The following COL5A1 variants were observed in gnomAD, a reference collection of about 807,000 sequenced individuals.
COL5A1 encodes collagen type V alpha 1 chain.
Under a neutral mutation model 263.7 loss-of-function variants are expected in COL5A1, and 16 were observed. That is an observed-to-expected ratio of 0.06 (90% CI 0.04 to 0.09). The LOEUF (loss-of-function observed/expected upper bound fraction) is 0.09. Among genes scored for constraint, COL5A1 ranks in the 10% least tolerant of loss-of-function variants. The pLI is 1.00. For missense variants in COL5A1, 2,036 were observed against 2,540.5 expected (o/e 0.80, Z 4.27); for synonymous variants, 1,012 against 1,004.5 (o/e 1.01, Z -0.14).
intron 2 of COL5A1, 127 bp from the exon 3 acceptor site, chr9:134,699,782 T>C (rs1377433917): frequency 2.3e-6 from 2 of 876,634 alleles, no homozygotes; most frequent in African/African-American, 1.6e-5. Flanking sequence ...GTGCAGCAGA[T>C]GGCAGTGCCC....
In COL5A1 at chr9:134,652,050, C is replaced by T. The variant is rs1171341307; in HGVS notation, c.109+9754C>T. ...GTATTAAGGAAAGGAGAAAGTGACACTGACTCTTCTCAGAGCCTTTGGCTA... is the reference window on the plus strand; with the variant it reads ...GTATTAAGGAAAGGAGAAAGTGACATTGACTCTTCTCAGAGCCTTTGGCTA... On this transcript the variant is annotated intron_variant, in intron 1 of 65. Coordinates refer to ENST00000371817, the MANE Select transcript of COL5A1 (RefSeq NM_000093.5). This position sits in a 1 kb window ranked among gnomAD's most constrained non-coding sequence, Gnocchi z 4.4. Among the ~76,000 whole-genome samples the T allele has an allele frequency of 6.6e-6, 1 of 152,156 alleles. No individual in the cohort carries two copies. The highest frequency in any genetic ancestry group is 1.5e-5 in the Non-Finnish European group (1 of 68,034).
At chr9:134,751,548 G>T (rs566695536) in intron 13 of COL5A1, among the ~76,000 whole-genome samples, 1 of 152,140 alleles carries the variant, frequency 6.6e-6, no homozygotes, top group Non-Finnish European at 1.5e-5. Context: ...AGCAGGGTCC[G>T]CAGAGGAGCA....
chr9:134,684,486 A>T (rs1474340566), intron 1 of COL5A1, among the ~76,000 whole-genome samples: 2 of 152,222 alleles, frequency 1.3e-5, no homozygotes, highest in East Asian at 3.9e-4. Flanking sequence ...TCACCAGCTC[A>T]GTTTCAAGCC....
At chr9:134,699,579 G>A (rs1002502360) in intron 2 of COL5A1, among the ~76,000 whole-genome samples, 2 of 152,044 alleles carry the variant, frequency 1.3e-5, no homozygotes, top group African/African-American at 4.8e-5. Flanking sequence ...CACAGCCTGA[G>A]AGGTTCTCCT....
chr9:134,801,865 T>C, intron 37 of COL5A1, 89 bp from the exon 38 acceptor site: 1 of 1,044,282 alleles, frequency 9.6e-7, no homozygotes, highest in East Asian at 2.9e-5. Context: ...GGAAGGGAGG[T>C]GGGGGGCAAG....
chr9:134,745,722 A>G (rs150979768), intron 11 of COL5A1, among the ~76,000 whole-genome samples: 1 of 152,134 alleles, frequency 6.6e-6, no homozygotes, highest in African/African-American at 2.4e-5. Context: ...TCCTCGGACA[A>G]TTGATGACCA....
chr9:134,654,046 G>A (rs1176186083), intron 1 of COL5A1, among the ~76,000 whole-genome samples: 4 of 137,230 alleles, frequency 2.9e-5, no homozygotes, highest in East Asian at 4.8e-4. Context: ...GCTGGTGTGT[G>A]TAGGGCTGGA....
rs1404280150 is a variant in COL5A1, at chr9:134,829,585, G to A, written c.5068-391G>A. Among the ~76,000 whole-genome samples the A allele has an allele frequency of 3.0e-3, 415 of 137,802 alleles. 23 individuals carry two copies. Among genetic ancestry groups the A allele is most frequent in the African/African-American group, 0.011 (380 of 34,972 alleles). 90.4% of individuals were successfully genotyped at this position (137,802 alleles called of 152,430 possible). ...AGGGCCCAGGCCGGGCTCCTCACGT[G>A]GCCTCCCTAAGGGCCGGGGCCAGGC... On this transcript the variant is annotated intron_variant, in intron 63 of 65. Coordinates refer to ENST00000371817, the MANE Select transcript of COL5A1 (RefSeq NM_000093.5).
At chr9:134,824,895 G>A (rs1243284880) in intron 62 of COL5A1, 40 bp downstream of exon 62, 10 of 1,578,956 alleles carry the variant, frequency 6.3e-6, no homozygotes, top group South Asian at 2.3e-5. Context: ...CCCAAAGCGG[G>A]CATGGACCTG....
Position 134,839,897 on chromosome 9 carries a change from C to A in COL5A1, c.5371-2260C>A, listed in dbSNP as rs372232475. Among the ~76,000 whole-genome samples, 103 of 152,352 alleles carry A rather than the reference C, an allele frequency of 6.8e-4. 1 individual carries two copies. The Middle Eastern group carries it at 0.014, about 20-fold the overall frequency. ...CGTTCCACAGGAGAGCTGTGGCCAC[C>A]CCCAGGCGGGCTTGTGGGACAGCAG... is the stretch of plus-strand genomic sequence containing the variant. On this transcript the variant is annotated intron_variant, in intron 65 of 65. Coordinates refer to ENST00000371817, the MANE Select transcript of COL5A1 (RefSeq NM_000093.5).
chr9:134,834,839 G>A, intron 64 of COL5A1, 132 bp from the exon 65 acceptor site: 1 of 700,450 alleles, frequency 1.4e-6, no homozygotes, highest in South Asian at 1.6e-5. Flanking sequence ...CGGGTCTGTG[G>A]GTACAGTGCG....
intron 27 of COL5A1, among the ~76,000 whole-genome samples, chr9:134,779,622 T>C (rs1203214272): frequency 6.6e-6 from 1 of 152,164 alleles, no homozygotes; most frequent in Non-Finnish European, 1.5e-5. Flanking sequence ...TGTCGTCCTC[T>C]CCACTTCCCA....
At position 134,818,929 on chromosome 9, in the gene COL5A1, A is replaced by G; in HGVS notation, c.4392+28A>G. ...GAGTCACATTCCTCATGGTGAGCAT[A>G]GCGGGTGGGATGACTTCGCCACCCA... On this transcript the variant is annotated intron_variant, in intron 56 of 65. Coordinates refer to ENST00000371817, the MANE Select transcript of COL5A1 (RefSeq NM_000093.5). The surrounding 1 kb of genome is among the most constrained non-coding windows in gnomAD (Gnocchi z 6.0). The G allele has an allele frequency of 1.2e-6, 2 of 1,613,156 alleles. No homozygotes were observed. Among genetic ancestry groups the G allele is most frequent in the Non-Finnish European group, 1.7e-6 (2 of 1,179,802 alleles).
rs1208315077 is a variant in COL5A1, at chr9:134,785,721, T to C, written c.2593-274T>C. Among the ~76,000 whole-genome samples, 3 of 152,232 alleles carry C rather than the reference T, an allele frequency of 2.0e-5. No individual in the cohort carries two copies. In the East Asian group the frequency reaches 5.8e-4, roughly 29 times the overall value. ...GCTGAGTTGAGGCATTTGCCTCTAA[T>C]CGCTTTGCTCCACAGTGGCAAGACC... On this transcript the variant is annotated intron_variant, in intron 30 of 65. Coordinates refer to ENST00000371817, the MANE Select transcript of COL5A1 (RefSeq NM_000093.5).
At position 134,741,039 on chromosome 9, in the gene COL5A1, C is replaced by A. The variant is rs144394658; in HGVS notation, c.1494+2231C>A. Among the ~76,000 whole-genome samples, 238 of 152,324 alleles carry A rather than the reference C, an allele frequency of 1.6e-3. 1 individual carries two copies. The highest frequency in any genetic ancestry group is 5.1e-3 in the African/African-American group (213 of 41,574). On this transcript the variant is annotated intron_variant, in intron 11 of 65. Transcript: ENST00000371817. This position sits in a 1 kb window ranked among gnomAD's most constrained non-coding sequence, Gnocchi z 4.5. ...TGAGAGCTGACCACCCCTCTGGGTC[C>A]AGCTCCGGCCAGCCTTGTTCAGGAA...
At chr9:134,720,943 G>A (rs936378840) in intron 4 of COL5A1, among the ~76,000 whole-genome samples, 1 of 152,168 alleles carries the variant, frequency 6.6e-6, no homozygotes, top group Non-Finnish European at 1.5e-5. Context: ...TCCAGGCCTG[G>A]CTGCATCTTA....
At chr9:134,812,300 G>A (rs1270896775) in intron 46 of COL5A1, 149 bp from the exon 47 acceptor site, 8 of 755,012 alleles carry the variant, frequency 1.1e-5, no homozygotes, top group Non-Finnish European at 1.7e-5. Context: ...ACCCCGGGAC[G>A]TCCTCGTGGG....
chr9:134,733,543 G>A (rs553591573), intron 9 of COL5A1, among the ~76,000 whole-genome samples: 3 of 152,348 alleles, frequency 2.0e-5, no homozygotes, highest in African/African-American at 7.2e-5. Flanking sequence ...TGAGGCAGAA[G>A]GGTCATGGGC....
chr9:134,761,820 C>T, intron 18 of COL5A1, 105 bp from the exon 19 acceptor site: 2 of 1,147,970 alleles, frequency 1.7e-6, no homozygotes, highest in Non-Finnish European at 2.6e-6. Flanking sequence ...CTTTTGAGAG[C>T]TTGGGAATCT....
Sources: allele counts gnomAD v4.1 joint callset (sites outside exome capture counted in the v4.1 genomes callset), GRCh38; gene constraint gnomAD v4.1.1; non-coding constraint Gnocchi (gnomAD v3.1); transcripts MANE v1.5; gene names NCBI Gene and HGNC (gene_info 2026-07-23, HGNC 2026-07-21).